The following CADPS2 variants were observed in gnomAD, a reference collection of about 807,000 sequenced individuals.
CADPS2 encodes the protein calcium dependent secretion activator 2.
In CADPS2, 93 loss-of-function variants were observed where a neutral mutation model predicts 172.5. That is an observed-to-expected ratio of 0.54 (90% CI 0.46 to 0.64). CADPS2 has a LOEUF of 0.64. Ranked by LOEUF, CADPS2 falls within the 30% of genes least tolerant of loss-of-function variation. The probability of loss-of-function intolerance (pLI) is 0.00; values close to 1 mark genes in which losing one functional copy is unlikely to be tolerated. For missense variants in CADPS2, 1,420 were observed against 1,565.9 expected, an observed-to-expected ratio of 0.91 and a Z score of 1.57; for synonymous variants, 546 against 555.2, an observed-to-expected ratio of 0.98 and a Z score of 0.23.
At chr7:122,400,027 A>G (rs1203753775) in intron 20 of CADPS2, among the ~76,000 whole-genome samples, 1 of 151,854 alleles carries the variant, frequency 6.6e-6, no homozygotes, top group Non-Finnish European at 1.5e-5. Flanking sequence ...TGTTCCTGTG[A>G]TCTGTTACAA....
At chr7:122,580,370 G>A (rs550876821) in intron 7 of CADPS2, among the ~76,000 whole-genome samples, 5 of 150,742 alleles carry the variant, frequency 3.3e-5, no homozygotes, top group African/African-American at 4.9e-5. Flanking sequence ...CACAAGAATC[G>A]CTCGAATCTA....
intron 19 of CADPS2, among the ~76,000 whole-genome samples, chr7:122,412,274 T>C (rs542876784): frequency 8.7e-4 from 132 of 152,350 alleles, no homozygotes; most frequent in Non-Finnish European, 1.7e-3. Context: ...TATTGTAATC[T>C]AGTTGGTCGA....
intron 8 of CADPS2, among the ~76,000 whole-genome samples, chr7:122,537,294 C>T (rs1051888576): frequency 6.9e-6 from 1 of 145,774 alleles, no homozygotes. Flanking sequence ...AAAAAAAAAA[C>T]AAACAAACAA....
At chr7:122,600,704 C>G (rs2072631191) in intron 6 of CADPS2, among the ~76,000 whole-genome samples, 1 of 152,028 alleles carries the variant, frequency 6.6e-6, no homozygotes, top group African/African-American at 2.4e-5. Context: ...TGAGTTTGTT[C>G]AGAGCTGAAC....
At chr7:122,756,202 T>A (rs773536868) in intron 1 of CADPS2, among the ~76,000 whole-genome samples, 72 of 151,570 alleles carry the variant, frequency 4.8e-4, no homozygotes, top group Non-Finnish European at 8.0e-4. Flanking sequence ...CACAATGAAC[T>A]AAAATTATAC....
intron 12 of CADPS2, among the ~76,000 whole-genome samples, chr7:122,478,335 T>C (rs1257118536): frequency 6.6e-6 from 1 of 152,204 alleles, no homozygotes; most frequent in Non-Finnish European, 1.5e-5. Flanking sequence ...CAACAAGCTA[T>C]GAGCTTAAGC....
chr7:122,609,965 A>G (rs2074084769), intron 6 of CADPS2, among the ~76,000 whole-genome samples: 1 of 152,150 alleles, frequency 6.6e-6, no homozygotes, highest in Non-Finnish European at 1.5e-5. Flanking sequence ...ACACTGCTAA[A>G]AAGCTGCAGT....
chr7:122,620,141 A>C (rs1441285986), intron 5 of CADPS2, among the ~76,000 whole-genome samples: 3 of 152,210 alleles, frequency 2.0e-5, no homozygotes, highest in Non-Finnish European at 4.4e-5. Flanking sequence ...TCTTCGTAAG[A>C]CTGTATTTAC....
intron 2 of CADPS2, among the ~76,000 whole-genome samples, chr7:122,693,003 G>A (rs1324250260): frequency 6.6e-6 from 1 of 152,176 alleles, no homozygotes; most frequent in Admixed American, 6.5e-5. Context: ...ATCTTCCCAT[G>A]TTATGGCCAC....
intron 22 of CADPS2, among the ~76,000 whole-genome samples, chr7:122,390,916 G>A (rs893634419): frequency 2.6e-5 from 4 of 151,854 alleles, no homozygotes; most frequent in Admixed American, 2.0e-4. Context: ...TTAACTTGCT[G>A]GCATTCATTT....
chr7:122,527,617 AGTGTGTGTGTGTGTGT>A (rs59653845), intron 8 of CADPS2, among the ~76,000 whole-genome samples: 36 of 83,884 alleles, frequency 4.3e-4, no homozygotes, highest in South Asian at 1.7e-3. Context: ...AGAGAGAGAG[AGTGTGTGTGTGTGTGT>A]GTGTGTGTGT....
At chr7:122,735,639 T>G (rs1310245444) in intron 2 of CADPS2, among the ~76,000 whole-genome samples, 1 of 152,142 alleles carries the variant, frequency 6.6e-6, no homozygotes, top group Non-Finnish European at 1.5e-5. Context: ...TACAAAGAAC[T>G]CCCTCATCCC....
intron 25 of CADPS2, among the ~76,000 whole-genome samples, chr7:122,368,595 C>T (rs1341416724): frequency 6.6e-6 from 1 of 152,170 alleles, no homozygotes; most frequent in African/African-American, 2.4e-5. Flanking sequence ...ATCAGACTGA[C>T]ATCAATGCTT....
intron 2 of CADPS2, among the ~76,000 whole-genome samples, chr7:122,716,604 A>G (rs1015983578): frequency 2.0e-5 from 3 of 152,174 alleles, no homozygotes; most frequent in Admixed American, 6.5e-5. Context: ...GGTGCAGCAC[A>G]CCAACATGGC....
chr7:122,814,927 G>T (rs1009362680), intron 1 of CADPS2, among the ~76,000 whole-genome samples: 4 of 151,984 alleles, frequency 2.6e-5, no homozygotes, highest in African/African-American at 9.7e-5. Flanking sequence ...TAGACAATTT[G>T]GATTCAGGCT....
intron 2 of CADPS2, among the ~76,000 whole-genome samples, chr7:122,727,391 C>T (rs1219556888): frequency 6.6e-6 from 1 of 151,678 alleles, no homozygotes; most frequent in Non-Finnish European, 1.5e-5. Context: ...GGTTAAATTT[C>T]TAGGCCACTG....
chr7:122,547,458 A>G (rs2063742547), intron 8 of CADPS2, among the ~76,000 whole-genome samples: 1 of 152,184 alleles, frequency 6.6e-6, no homozygotes, highest in Admixed American at 6.5e-5. Context: ...ATATCCAAAC[A>G]ATCAGTCCAC....
At chr7:122,451,712 AT>A (rs143231772) in intron 14 of CADPS2, among the ~76,000 whole-genome samples, 7,808 of 152,210 alleles carry the variant, frequency 0.051, 482 homozygotes, top group African/African-American at 0.15. Context: ...TATAATAAAT[AT>A]TTTCCAGATC....
intron 8 of CADPS2, among the ~76,000 whole-genome samples, chr7:122,542,533 C>A (rs924539280): frequency 6.6e-6 from 1 of 152,016 alleles, no homozygotes; most frequent in African/African-American, 2.4e-5. Flanking sequence ...GGGAACTTGT[C>A]TTTCTATAAA....
Sources: gnomAD v4.1 joint callset for allele counts (sites outside exome capture counted in the v4.1 genomes callset) on GRCh38, gnomAD v4.1.1 for gene constraint, MANE v1.5 for transcripts, NCBI Gene and HGNC (gene_info 2026-07-23, HGNC 2026-07-21) for gene names.